The following HIVEP2 variants were observed in gnomAD, a reference collection of about 807,000 sequenced individuals.
HIVEP2 encodes transcription factor HIVEP2.
In HIVEP2, 14 loss-of-function variants were observed where a neutral mutation model predicts 180.7. That is an observed-to-expected ratio of 0.08 (90% CI 0.05 to 0.12). The LOEUF is 0.12. Ranked by LOEUF, HIVEP2 falls within the 10% of genes least tolerant of loss-of-function variation. HIVEP2 has a pLI of 1.00. For synonymous variants in HIVEP2, 1,184 were observed against 1,136.4 expected (o/e 1.04, Z -0.84); for missense variants, 2,579 against 3,008.5 (o/e 0.86, Z 3.34).
chr6:142,757,808 A>T (rs544304068), intron 9 of HIVEP2, among the ~76,000 whole-genome samples: 2 of 152,358 alleles, frequency 1.3e-5, no homozygotes, highest in African/African-American at 4.8e-5. Context: ...GAACTCCCTT[A>T]GTCCACTCTT....
At chr6:142,897,100 T>C (rs1777017845) in intron 1 of HIVEP2, among the ~76,000 whole-genome samples, 1 of 152,074 alleles carries the variant, frequency 6.6e-6, no homozygotes, top group Non-Finnish European at 1.5e-5. Flanking sequence ...CAGCAGCCAC[T>C]TTATAAAAAG....
chr6:142,934,279 A>G (rs1778004008), intron 1 of HIVEP2, among the ~76,000 whole-genome samples: 1 of 152,232 alleles, frequency 6.6e-6, no homozygotes, highest in Admixed American at 6.5e-5. Context: ...GGAGTGCTAT[A>G]AACAATGCTT....
Position 142,772,793 on chromosome 6 carries a change from T to A in HIVEP2, c.1946A>T (p.Glu649Val), listed in dbSNP as rs752713687. ...GTTTTGCTTTGGTGTTTCAGAGTCC[T>A]CCCACTTCTTATAGGGTTTCCGACA... ...DVCRKPYKKW[E>V]DSETPKQNYR... Residue 649 changes from glutamate to valine, a missense_variant, in exon 5 of 10, where the codon GAG becomes GTG. Transcript: ENST00000367603. This position sits in a 1 kb window ranked among gnomAD's most constrained non-coding sequence, Gnocchi z 4.9. 13 of 1,614,176 alleles carry A rather than the reference T, an allele frequency of 8.1e-6. No homozygotes were observed. The East Asian group carries it at 2.9e-4, about 36-fold the overall frequency.
At chr6:142,863,485 T>C (rs1459291191) in intron 1 of HIVEP2, among the ~76,000 whole-genome samples, 1 of 152,178 alleles carries the variant, frequency 6.6e-6, no homozygotes, top group South Asian at 2.1e-4. Flanking sequence ...TTCTAAGATA[T>C]TGCTTTCTGA....
intron 1 of HIVEP2, among the ~76,000 whole-genome samples, chr6:142,868,407 G>C (rs925378856): frequency 6.6e-6 from 1 of 152,108 alleles, no homozygotes; most frequent in Admixed American, 6.6e-5. Flanking sequence ...CTTAAATCTC[G>C]GGCCAAGTGA....
intron 1 of HIVEP2, among the ~76,000 whole-genome samples, chr6:142,885,408 C>T (rs983888356): frequency 1.3e-5 from 2 of 152,010 alleles, no homozygotes; most frequent in Non-Finnish European, 2.9e-5. Context: ...TGAGCAACAC[C>T]GTGAGCCCCT....
intron 1 of HIVEP2, among the ~76,000 whole-genome samples, chr6:142,868,835 C>G (rs917259505): frequency 2.0e-5 from 3 of 152,122 alleles, no homozygotes; most frequent in Non-Finnish European, 2.9e-5. Flanking sequence ...AACACTTATC[C>G]TAACCCATGT....
At chr6:142,899,062 A>C (rs1309963377) in intron 1 of HIVEP2, among the ~76,000 whole-genome samples, 1 of 152,168 alleles carries the variant, frequency 6.6e-6, no homozygotes, top group African/African-American at 2.4e-5. Flanking sequence ...TGCAGGACAG[A>C]GTTCAAACAT....
chr6:142,797,348 T>C (rs1426270905), intron 2 of HIVEP2, among the ~76,000 whole-genome samples: 1 of 152,196 alleles, frequency 6.6e-6, no homozygotes, highest in Non-Finnish European at 1.5e-5. Flanking sequence ...CACAATACTT[T>C]CCTACATGGA....
chr6:142,805,092 G>A (rs569804711), intron 2 of HIVEP2, among the ~76,000 whole-genome samples: 2 of 152,100 alleles, frequency 1.3e-5, no homozygotes, highest in African/African-American at 2.4e-5. Context: ...CCTTCAAGAT[G>A]AACTAGATGC....
At chr6:142,872,641 CAACCAAAGGA>C (rs941211179) in intron 1 of HIVEP2, among the ~76,000 whole-genome samples, 1 of 152,108 alleles carries the variant, frequency 6.6e-6, no homozygotes, top group African/African-American at 2.4e-5. Context: ...CTTTATCTAA[CAACCAAAGGA>C]AACCAAAGGA....
Position 142,901,714 on chromosome 6 carries a change from A to G in HIVEP2, c.-641+43385T>C, listed in dbSNP as rs73586602. On this transcript the variant is annotated intron_variant, in intron 1 of 9. Coordinates refer to ENST00000367603, the MANE Select transcript of HIVEP2 (RefSeq NM_006734.4). ...ACACATTCTCATAATCTTGAGCCTC[A>G]ATGTCTCAGGTAAATTCGCCAATCT... Among the ~76,000 whole-genome samples, 1,371 of 152,276 alleles carry G rather than the reference A, an allele frequency of 9.0e-3. 16 individuals carry two copies. Among genetic ancestry groups the G allele is most frequent in the African/African-American group, 0.031 (1,296 of 41,548 alleles).
chr6:142,795,994 C>A (rs553442852), intron 2 of HIVEP2, among the ~76,000 whole-genome samples: 31 of 152,178 alleles, frequency 2.0e-4, no homozygotes, highest in Non-Finnish European at 3.7e-4. Flanking sequence ...TGGCCCATTT[C>A]TCCACCACTC....
intron 1 of HIVEP2, among the ~76,000 whole-genome samples, chr6:142,904,376 T>C (rs1777210753): frequency 1.3e-5 from 2 of 152,212 alleles, no homozygotes; most frequent in African/African-American, 2.4e-5. Context: ...GTGTCACATA[T>C]ACTTTCCTTT....
At position 142,753,765 on chromosome 6, in the gene HIVEP2, A is replaced by G. The variant is rs1472743920; in HGVS notation, c.6683T>C (p.Met2228Thr). Residue 2228 changes from methionine (M) to threonine (T), a missense_variant, in exon 10 of 10, where the codon ATG (methionine) becomes ACG (threonine). Met to Thr is a moderately conservative substitution (Grantham distance 81). Around this residue, in one of 11 missense-constraint regions of HIVEP2, gnomAD observed 660 missense variants for 731.7 expected, o/e 0.90. Transcript: ENST00000367603. ...SQQQVRAPIP[M>T]VPVGGIQMVH... Reference sequence around the variant, plus strand: ...CATCTGGATCCCACCAACGGGCACCATGGGGATAGGGGCTCGCACTTGTTG... The same window carrying G: ...CATCTGGATCCCACCAACGGGCACCGTGGGGATAGGGGCTCGCACTTGTTG... The G allele has an allele frequency of 6.2e-7, 1 of 1,614,178 alleles. No homozygotes were observed. The highest frequency in any genetic ancestry group is 8.5e-7 in the Non-Finnish European group (1 of 1,180,018).
At chr6:142,810,725 G>A (rs1447026174) in intron 2 of HIVEP2, among the ~76,000 whole-genome samples, 2 of 141,008 alleles carry the variant, frequency 1.4e-5, no homozygotes, top group Non-Finnish European at 1.5e-5. Flanking sequence ...TCGCGCCACT[G>A]CACTACCGCC....
chr6:142,785,326 A>T (rs1003495672), intron 2 of HIVEP2, among the ~76,000 whole-genome samples: 2 of 142,890 alleles, frequency 1.4e-5, no homozygotes, highest in African/African-American at 5.2e-5. Flanking sequence ...AAAAAAAAAA[A>T]AAAAAAAAAA....
At chr6:142,801,469 T>C (rs1438628417) in intron 2 of HIVEP2, among the ~76,000 whole-genome samples, 1 of 151,456 alleles carries the variant, frequency 6.6e-6, no homozygotes, top group Non-Finnish European at 1.5e-5. Context: ...CATTCTCACT[T>C]GCAAAAGCTA....
chr6:142,821,294 C>T (rs1333064754), intron 2 of HIVEP2, among the ~76,000 whole-genome samples: 1 of 152,122 alleles, frequency 6.6e-6, no homozygotes, highest in East Asian at 1.9e-4. Context: ...AATCCAAAGG[C>T]TCTTCATCCC....
Sources: gnomAD v4.1 joint callset for allele counts (sites outside exome capture counted in the v4.1 genomes callset) on GRCh38, gnomAD v4.1.1 for gene constraint, gnomAD v4.1.1 regional missense constraint, Gnocchi (gnomAD v3.1) non-coding constraint, MANE v1.5 for transcripts, NCBI Gene and HGNC (gene_info 2026-07-23, HGNC 2026-07-21) for gene names.